The following ZNF112 variants were observed in gnomAD, a reference collection of about 807,000 sequenced individuals.
ZNF112 encodes the protein zinc finger protein 112 (Y14).
In ZNF112, 37 loss-of-function variants were observed where a neutral mutation model predicts 77.7. The ratio of observed to expected loss-of-function variants is 0.48; its 90% CI spans 0.37 to 0.63. The LOEUF (loss-of-function observed/expected upper bound fraction) is 0.63, where lower values mean the gene tolerates loss of function less well. Ranked by LOEUF, ZNF112 falls within the 20% of genes least tolerant of loss-of-function variation. The pLI is 0.00. For synonymous variants in ZNF112, 333 were observed against 363.6 expected (o/e 0.92, Z 0.96); for missense variants, 950 against 1,077.4 (o/e 0.88, Z 1.66).
chr19:44,338,217 A>G (rs1286910091), intron 2 of ZNF112, among the ~76,000 whole-genome samples: 1 of 152,148 alleles, frequency 6.6e-6, no homozygotes, highest in African/African-American at 2.4e-5. Context: ...TAACATTGAA[A>G]TGATGCTTGA....
At chr19:44,365,802 T>C (rs1322917377) in intron 1 of ZNF112, among the ~76,000 whole-genome samples, 1 of 152,186 alleles carries the variant, frequency 6.6e-6, no homozygotes, top group East Asian at 1.9e-4. Context: ...TATGATTTTG[T>C]TGATTTTTAA....
At chr19:44,332,138 G>T (rs1170026728) in intron 3 of ZNF112, among the ~76,000 whole-genome samples, 1 of 152,116 alleles carries the variant, frequency 6.6e-6, no homozygotes, top group Non-Finnish European at 1.5e-5. Context: ...TAATATAATT[G>T]CACCTGTGAA....
At chr19:44,365,397 C>A (rs891003789) in intron 1 of ZNF112, among the ~76,000 whole-genome samples, 2 of 152,016 alleles carry the variant, frequency 1.3e-5, no homozygotes, top group African/African-American at 2.4e-5. Context: ...GAGTTCGAGG[C>A]TGCAGTGAGC....
upstream of ZNF112, among the ~76,000 whole-genome samples, chr19:44,358,278 T>A (rs902237023): frequency 6.7e-6 from 1 of 148,168 alleles, no homozygotes; most frequent in Non-Finnish European, 1.5e-5. Context: ...AATCTGATAA[T>A]AGGGGATTTT....
In ZNF112 at chr19:44,327,672, A is replaced by G; in HGVS notation, c.2485T>C (p.Cys829Arg). 2 of 1,613,934 alleles carry G rather than the reference A, an allele frequency of 1.2e-6. No homozygotes were observed. Among genetic ancestry groups the G allele is most frequent in the Non-Finnish European group, 1.7e-6 (2 of 1,179,954 alleles). The change falls in exon 4 of 4, where the codon TGT (cysteine) becomes CGT (arginine). Residue 829 changes from cysteine (C) to arginine (R), a missense_variant. Cys to Arg is a radical substitution (Grantham distance 180, BLOSUM62 -3). This residue lies in a region of ZNF112 where 373 missense variants were observed against 482.8 expected (regional missense o/e 0.77). Coordinates refer to ENST00000354340, the MANE Select transcript of ZNF112 (RefSeq NM_013380.4). ...CTGAAGCCCTTTCCACATACCTCACATTTGTATGGTTTCTCTCCTGTGTGG... is the reference window on the plus strand; with the variant it reads ...CTGAAGCCCTTTCCACATACCTCACGTTTGTATGGTTTCTCTCCTGTGTGG... The part of the protein sequence containing the change: ...RVHTGEKPYK[C>R]EVCGKGFSQR...
In ZNF112 at chr19:44,362,995, G is replaced by C. The variant is rs1187929844; in HGVS notation, c.17+4086C>G. 3.9e-5 allele frequency among the ~76,000 whole-genome samples: 6 copies of C among 152,046 alleles called. 1 individual carries two copies. In the South Asian group the frequency reaches 1.2e-3, roughly 32 times the overall value. On this transcript the variant is annotated intron_variant, in intron 1 of 4. Coordinates refer to the ZNF112 transcript ENST00000588057. ...TAAAAAAAATTTTTTTTGAAGACAG[G>C]GTCTTACCTTGTCACCTAGGCTAGA...
At chr19:44,333,635 C>CCCTCTTTCTCTT (rs1397697841) in intron 3 of ZNF112, among the ~76,000 whole-genome samples, 1 of 152,204 alleles carries the variant, frequency 6.6e-6, no homozygotes, top group Admixed American at 6.5e-5. Flanking sequence ...GCACTTCCTG[C>CCCTCTTTCTCTT]CCTCTTTCTC....
chr19:44,364,583 T>C (rs1393843496), intron 1 of ZNF112, among the ~76,000 whole-genome samples: 1 of 152,046 alleles, frequency 6.6e-6, no homozygotes, highest in Admixed American at 6.6e-5. Context: ...AGCCAGTGGA[T>C]ACTACAGAAG....
intron 1 of ZNF112, among the ~76,000 whole-genome samples, chr19:44,355,925 A>G (rs1307233845): frequency 4.6e-5 from 7 of 152,198 alleles, no homozygotes; most frequent in Non-Finnish European, 1.5e-5. Flanking sequence ...CCAAGTGCCA[A>G]AGGGTCATTC....
rs1970198331 is a variant in ZNF112 at position 44,328,869 on chromosome 19, C to T, written c.1288G>A (p.Val430Ile). The change falls in exon 4 of 4, where the codon GTT becomes ATT. Residue 430 changes from valine (V) to isoleucine (I), a missense_variant. Around this residue, in one of 3 missense-constraint regions of ZNF112, gnomAD observed 560 missense variants for 557.3 expected, o/e 1.00. Transcript: ENST00000354340. The stretch of plus-strand genomic sequence containing the variant: ...TTATATGAATTCTCTTCCATATGAA[C>T]CCTATGCTGAATGTCAAGATTTGAA... Reference protein sequence around the residue: ...CSSNLDIQHRVHMEENSYNSE... With the variant: ...CSSNLDIQHRIHMEENSYNSE... 1 of 1,613,990 alleles carries T rather than the reference C, an allele frequency of 6.2e-7. No individual in the cohort carries two copies. The highest frequency in any genetic ancestry group is 8.5e-7 in the Non-Finnish European group (1 of 1,179,942).
Position 44,328,076 on chromosome 19 carries a change from T to C in ZNF112, c.2081A>G (p.Lys694Arg). ...AAGGTATGATCTCTGACTGAAACTC[T>C]TACCACACTCATCACATTGGTATGG... ...EKPYQCDECG[K>R]SFSQRSYLQS... The change falls in exon 4 of 4, where the codon AAG (lysine) becomes AGG (arginine). Residue 694 changes from lysine (K) to arginine (R), a missense_variant. Physicochemically the swap from Lys to Arg is conservative, Grantham distance 26. This residue lies in a region of ZNF112 where 373 missense variants were observed against 482.8 expected (regional missense o/e 0.77). Transcript: ENST00000354340. 6.2e-7 allele frequency: 1 copy of C among 1,614,050 alleles called. No homozygotes were observed. The highest frequency in any genetic ancestry group is 8.5e-7 in the Non-Finnish European group (1 of 1,179,998).
chr19:44,328,476 A>G lies in ZNF112; in HGVS notation c.1681T>C (p.Tyr561His), dbSNP rs1184589423. ...ECDKGFSRSS[Y>H]LQAHQRVHTG... The stretch of plus-strand genomic sequence containing the variant: ...TGGACTCTCTGATGGGCTTGAAGAT[A>G]TGAACTCCGACTGAATCCCTTATCA... The change falls in exon 4 of 4, where the codon TAT (tyrosine) becomes CAT (histidine). Residue 561 changes from tyrosine (Y) to histidine (H), a missense_variant. Tyr to His is a moderately conservative substitution (Grantham distance 83, BLOSUM62 2). This residue lies in a region of ZNF112 where 373 missense variants were observed against 482.8 expected (regional missense o/e 0.77). Coordinates refer to ENST00000354340, the MANE Select transcript of ZNF112 (RefSeq NM_013380.4). 3 of 1,613,732 alleles carry G rather than the reference A, an allele frequency of 1.9e-6. No homozygotes were observed. The highest frequency in any genetic ancestry group is 2.7e-5 in the African/African-American group (2 of 74,830).
chr19:44,355,088 G>A (rs1346903796), intron 1 of ZNF112, among the ~76,000 whole-genome samples: 1 of 152,144 alleles, frequency 6.6e-6, no homozygotes, highest in Non-Finnish European at 1.5e-5. Flanking sequence ...GGGACAGGGA[G>A]TTGATACAAG....
rs1970197457 is a variant in ZNF112, at chr19:44,328,853, T to C, written c.1304A>G (p.Asn435Ser). The change falls in exon 4 of 4, where the codon AAT (asparagine) becomes AGT (serine). Residue 435 changes from asparagine to serine, a missense_variant. By Grantham distance (46) the Asn-to-Ser change is conservative. This residue lies in a region of ZNF112 where 560 missense variants were observed against 557.3 expected (regional missense o/e 1.00). Transcript: ENST00000354340. Reference sequence around the variant, plus strand: ...ACCACACTCCTCAGAATTATATGAATTCTCTTCCATATGAACCCTATGCTG... The same window carrying C: ...ACCACACTCCTCAGAATTATATGAACTCTCTTCCATATGAACCCTATGCTG... ...DIQHRVHMEE[N>S]SYNSEECGNG... 6.2e-7 allele frequency: 1 copy of C among 1,613,918 alleles called. No homozygotes were observed.
chr19:44,328,864 A>G lies in ZNF112; in HGVS notation c.1293T>C (p.His431=). The part of the protein sequence containing the change: ...SSNLDIQHRV[H]MEENSYNSEE... ...CAGAATTATATGAATTCTCTTCCAT[A>G]TGAACCCTATGCTGAATGTCAAGAT... The change falls in exon 4 of 4, where the codon CAT becomes CAC. Residue 431 remains histidine, a synonymous_variant. Coordinates refer to ENST00000354340, the MANE Select transcript of ZNF112 (RefSeq NM_013380.4). The G allele has an allele frequency of 6.2e-7, 1 of 1,614,012 alleles. No homozygotes were observed. Among genetic ancestry groups the G allele is most frequent in the Non-Finnish European group, 8.5e-7 (1 of 1,179,952 alleles).
intron 1 of ZNF112, among the ~76,000 whole-genome samples, chr19:44,366,242 T>C (rs1245636827): frequency 2.0e-5 from 3 of 152,186 alleles, no homozygotes; most frequent in Non-Finnish European, 2.9e-5. Context: ...AACTAAATCA[T>C]GCGGAGAGGC....
Position 44,328,998 on chromosome 19 carries a change from C to T in ZNF112, c.1159G>A (p.Glu387Lys), listed in dbSNP as rs1970203514. The change falls in exon 4 of 4, where the codon GAG (glutamate) becomes AAG (lysine). Residue 387 changes from glutamate (E) to lysine (K), a missense_variant. Physicochemically the swap from Glu to Lys is moderately conservative, Grantham distance 56 (BLOSUM62 1). Coordinates refer to ENST00000354340, the MANE Select transcript of ZNF112 (RefSeq NM_013380.4). Reference protein sequence around the residue: ...RDEPHEYEENENVFNQSSCLQ... With the variant: ...RDEPHEYEENKNVFNQSSCLQ... ...CATGAACTCTGATTAAAGACATTCTCATTTTCCTCATATTCATGGGGTTCA... is the reference window on the plus strand; with the variant it reads ...CATGAACTCTGATTAAAGACATTCTTATTTTCCTCATATTCATGGGGTTCA... 6.2e-7 allele frequency: 1 copy of T among 1,613,926 alleles called. No individual in the cohort carries two copies. Among genetic ancestry groups the T allele is most frequent in the African/African-American group, 1.3e-5 (1 of 75,030 alleles).
At chr19:44,359,538 G>A (rs969459557), upstream of ZNF112, among the ~76,000 whole-genome samples, 13 of 151,770 alleles carry the variant, frequency 8.6e-5, no homozygotes, top group Non-Finnish European at 1.5e-4. Flanking sequence ...TGGCCAGGCT[G>A]GTGTTGAACT....
At chr19:44,366,134 G>GT (rs1485315534) in intron 1 of ZNF112, among the ~76,000 whole-genome samples, 1 of 152,172 alleles carries the variant, frequency 6.6e-6, no homozygotes, top group Non-Finnish European at 1.5e-5. Flanking sequence ...AGGATAGCTT[G>GT]TAGCCAGGAG....
Sources: allele counts gnomAD v4.1 joint callset (sites outside exome capture counted in the v4.1 genomes callset), GRCh38; gene constraint gnomAD v4.1.1; regional missense constraint gnomAD v4.1.1; transcripts MANE v1.5; gene names NCBI Gene and HGNC (gene_info 2026-07-23, HGNC 2026-07-21).